The following MAML3 variants were observed in gnomAD, a reference collection of about 807,000 sequenced individuals.
MAML3 encodes mastermind like transcriptional coactivator 3, also known as mastermind-like protein 3.
In MAML3, 27 loss-of-function variants were observed where a neutral mutation model predicts 101.9. The ratio of observed to expected loss-of-function variants is 0.27; its 90% CI spans 0.20 to 0.37. The LOEUF (loss-of-function observed/expected upper bound fraction) is 0.37, where lower values mean the gene tolerates loss of function less well. Ranked by LOEUF, MAML3 falls within the 10% of genes least tolerant of loss-of-function variation. MAML3 has a pLI of 1.00. For missense variants in MAML3, 1,316 were observed against 1,444.9 expected, an observed-to-expected ratio of 0.91 and a Z score of 1.45; for synonymous variants, 501 against 555.9, an observed-to-expected ratio of 0.90 and a Z score of 1.39.
intron 1 of MAML3, among the ~76,000 whole-genome samples, chr4:139,978,549 G>A (rs1190371882): frequency 6.7e-6 from 1 of 148,922 alleles, no homozygotes. Context: ...CCTGGGTAAA[G>A]GGCAGTTGAC....
intron 1 of MAML3, among the ~76,000 whole-genome samples, chr4:140,106,008 A>G (rs1270686553): frequency 3.3e-5 from 5 of 151,744 alleles, no homozygotes; most frequent in Admixed American, 6.6e-5. Context: ...CCTCACTAAT[A>G]ATTCCATCAC....
At chr4:140,057,338 G>C (rs1475375041) in intron 1 of MAML3, among the ~76,000 whole-genome samples, 4 of 151,786 alleles carry the variant, frequency 2.6e-5, no homozygotes, top group Non-Finnish European at 5.9e-5. Flanking sequence ...TTTTTTTTCT[G>C]AAATTACAGA....
chr4:140,035,616 G>GA (rs1350308507), intron 1 of MAML3, among the ~76,000 whole-genome samples: 1 of 151,790 alleles, frequency 6.6e-6, no homozygotes, highest in Non-Finnish European at 1.5e-5. Context: ...CTAACACAGT[G>GA]AAAACCCGTC....
intron 1 of MAML3, among the ~76,000 whole-genome samples, chr4:139,940,673 C>T (rs17005266): frequency 0.037 from 5,642 of 152,238 alleles, 373 homozygotes; most frequent in African/African-American, 0.13. Context: ...AAACCAGACC[C>T]CTTTCTTGGG....
At chr4:139,860,025 G>A (rs1731743097) in intron 2 of MAML3, among the ~76,000 whole-genome samples, 1 of 152,186 alleles carries the variant, frequency 6.6e-6, no homozygotes, top group African/African-American at 2.4e-5. Flanking sequence ...GTACCCGGGG[G>A]CAGGCGCGGG....
intron 1 of MAML3, among the ~76,000 whole-genome samples, chr4:139,930,314 G>A (rs906715269): frequency 2.0e-5 from 3 of 152,130 alleles, no homozygotes; most frequent in African/African-American, 4.8e-5. Context: ...GCCTGAATAC[G>A]TTTCCAGGCA....
chr4:139,840,112 T>G (rs1255518515), intron 2 of MAML3, among the ~76,000 whole-genome samples: 1 of 152,162 alleles, frequency 6.6e-6, no homozygotes, highest in African/African-American at 2.4e-5. Context: ...CATCCCAGGA[T>G]CTGGAAAAGA....
At chr4:139,724,005 C>T (rs1405178683) in intron 4 of MAML3, among the ~76,000 whole-genome samples, 1 of 152,174 alleles carries the variant, frequency 6.6e-6, no homozygotes, top group African/African-American at 2.4e-5. Context: ...GTATCTGCAA[C>T]AACAACTATG....
At chr4:139,888,586 C>T (rs762409552) in intron 2 of MAML3, 1 of 519,036 alleles carries the variant, frequency 1.9e-6, no homozygotes, top group Admixed American at 1.9e-5. Context: ...TATTCACTTC[C>T]CGACTGGTTG....
chr4:140,153,654 C>T lies in MAML3; in HGVS notation c.-327G>A, dbSNP rs1729219105. Reference sequence around the variant, plus strand: ...GTTGCAACTCAAGGGGAGATCCGCTCCTTGCTTGCCTTCTTTTTATAATCC... The same window carrying T: ...GTTGCAACTCAAGGGGAGATCCGCTTCTTGCTTGCCTTCTTTTTATAATCC... On this transcript the variant is annotated 5_prime_UTR_variant, in exon 1 of 5. Transcript: ENST00000509479. The T allele has an allele frequency of 3.2e-6, 1 of 308,040 alleles. No homozygotes were observed. Among genetic ancestry groups the T allele is most frequent in the Non-Finnish European group, 5.9e-6 (1 of 169,662 alleles). The allele number at this position is 308,040 out of a possible 1,614,324, so 19.1% of individuals were successfully genotyped here. A position where few individuals can be genotyped will look rare whatever the true frequency, so the allele number is the denominator to read the frequency against.
intron 1 of MAML3, among the ~76,000 whole-genome samples, chr4:140,017,347 G>A (rs1001086372): frequency 2.0e-5 from 3 of 151,978 alleles, no homozygotes; most frequent in African/African-American, 7.2e-5. Flanking sequence ...GTACATTGCT[G>A]GTAGACAAGT....
intron 1 of MAML3, among the ~76,000 whole-genome samples, chr4:139,933,651 G>A (rs1248797431): frequency 1.3e-5 from 2 of 152,200 alleles, no homozygotes; most frequent in African/African-American, 4.8e-5. Flanking sequence ...CCAGCAACAT[G>A]GTGGAGTCTG....
chr4:139,976,292 A>C (rs947179892), intron 1 of MAML3, among the ~76,000 whole-genome samples: 1 of 152,056 alleles, frequency 6.6e-6, no homozygotes, highest in African/African-American at 2.4e-5. Context: ...CTCCTCCCCC[A>C]AAAACAGTAA....
intron 2 of MAML3, among the ~76,000 whole-genome samples, chr4:139,742,306 G>A (rs4863682): frequency 0.83 from 126,332 of 152,018 alleles, 53,363 homozygotes; most frequent in Non-Finnish European, 0.92. Context: ...GTGCCACCAC[G>A]CCCGGCTAAT....
chr4:139,901,007 T>C (rs1732708652), intron 1 of MAML3, among the ~76,000 whole-genome samples: 1 of 152,236 alleles, frequency 6.6e-6, no homozygotes, highest in South Asian at 2.1e-4. Flanking sequence ...ATCTATGCTC[T>C]CACCTACTCT....
intron 1 of MAML3, among the ~76,000 whole-genome samples, chr4:139,894,511 A>AAAAGAAAGAAAG (rs58209239): frequency 0.015 from 2,085 of 136,448 alleles, 32 homozygotes; most frequent in African/African-American, 0.035. Context: ...TCCATCTTAA[A>AAAAGAAAGAAAG]AAAGAAAGAA....
At chr4:139,801,122 C>T (rs910075454) in intron 2 of MAML3, among the ~76,000 whole-genome samples, 2 of 152,172 alleles carry the variant, frequency 1.3e-5, no homozygotes, top group Non-Finnish European at 2.9e-5. Context: ...TGGGATGTGC[C>T]AGTTTCAATG....
chr4:139,878,019 T>G (rs563591736), intron 2 of MAML3, among the ~76,000 whole-genome samples: 8 of 152,326 alleles, frequency 5.3e-5, no homozygotes, highest in Admixed American at 3.3e-4. Flanking sequence ...AAATTTTAAC[T>G]GCTGTGTCCA....
chr4:139,855,509 T>C lies in MAML3; in HGVS notation c.2079+33848A>G, dbSNP rs141051155. On this transcript the variant is annotated intron_variant, in intron 2 of 4. Coordinates refer to ENST00000509479, the MANE Select transcript of MAML3 (RefSeq NM_018717.5). ...TTATCATCCTAGTGGCATATCTACA[T>C]GCATTGCATAGTGTTCTTTGCTTCA... Among the ~76,000 whole-genome samples the C allele has an allele frequency of 2.6e-5, 4 of 152,364 alleles. No individual in the cohort carries two copies. In the East Asian group the frequency reaches 7.7e-4, roughly 29 times the overall value.
Sources: gnomAD v4.1 joint callset for allele counts (sites outside exome capture counted in the v4.1 genomes callset) on GRCh38, gnomAD v4.1.1 for gene constraint, MANE v1.5 for transcripts, NCBI Gene and HGNC (gene_info 2026-07-23, HGNC 2026-07-21) for gene names.